Variants in DPP10 observed in about 807,000 individuals in gnomAD.
The protein encoded by DPP10 is dipeptidyl peptidase like 10.
A neutral mutation model predicts 120.9 loss-of-function variants in DPP10; 33 were observed. The ratio of observed to expected loss-of-function variants is 0.27; its 90% CI spans 0.21 to 0.37. DPP10 has a LOEUF of 0.37. Ranked by LOEUF, DPP10 falls within the 10% of genes least tolerant of loss-of-function variation. The pLI is 1.00. For synonymous variants in DPP10, 337 were observed against 326.1 expected (o/e 1.03, Z -0.36); for missense variants, 816 against 942.8 (o/e 0.87, Z 1.76).
At chr2:114,959,524 C>T (rs1343094147) in intron 1 of DPP10, among the ~76,000 whole-genome samples, 2 of 152,144 alleles carry the variant, frequency 1.3e-5, no homozygotes, top group East Asian at 1.9e-4. Context: ...TGAATAATAA[C>T]ACTGTAAACA....
At chr2:115,222,414 G>C (rs1326884618) in intron 1 of DPP10, among the ~76,000 whole-genome samples, 1 of 152,050 alleles carries the variant, frequency 6.6e-6, no homozygotes, top group African/African-American at 2.4e-5. Context: ...CATGGGGCAG[G>C]TCTTCTCATG....
chr2:114,826,414 A>G (rs1055312764), intron 1 of DPP10, among the ~76,000 whole-genome samples: 1 of 152,214 alleles, frequency 6.6e-6, no homozygotes, highest in African/African-American at 2.4e-5. Context: ...GGAAAAGGTC[A>G]TGCCTGACAC....
intron 1 of DPP10, among the ~76,000 whole-genome samples, chr2:114,751,236 A>G (rs1679188445): frequency 6.6e-6 from 1 of 152,198 alleles, no homozygotes; most frequent in Non-Finnish European, 1.5e-5. Context: ...CCACTGGCCT[A>G]CCATAATTTT....
chr2:114,737,407 T>A (rs938769406), intron 1 of DPP10, among the ~76,000 whole-genome samples: 3 of 152,174 alleles, frequency 2.0e-5, no homozygotes, highest in African/African-American at 7.2e-5. Context: ...GATGCAGCGG[T>A]CTGTGAAAAG....
chr2:114,442,917 G>T, intron 1 of DPP10, 79 bp downstream of exon 1: 1 of 1,551,500 alleles, frequency 6.4e-7, no homozygotes, highest in South Asian at 1.2e-5. Flanking sequence ...GATATATCGG[G>T]GTACTGACAG....
At chr2:115,400,809 C>G (rs2068019797) in intron 3 of DPP10, among the ~76,000 whole-genome samples, 1 of 152,192 alleles carries the variant, frequency 6.6e-6, no homozygotes, top group Non-Finnish European at 1.5e-5. Flanking sequence ...CAGGTCGCTG[C>G]CATCTTCACT....
intron 2 of DPP10, among the ~76,000 whole-genome samples, chr2:115,313,462 A>G (rs547712460): frequency 1.3e-5 from 2 of 152,306 alleles, no homozygotes; most frequent in South Asian, 4.1e-4. Flanking sequence ...GCAACAGATG[A>G]AATATGGTGG....
In DPP10 at chr2:115,499,599, A is replaced by G. The variant is rs978461469; in HGVS notation, c.361A>G (p.Thr121Ala). 2 of 1,607,782 alleles carry G rather than the reference A, an allele frequency of 1.2e-6. No individual in the cohort carries two copies. Among genetic ancestry groups the G allele is most frequent in the Non-Finnish European group, 8.5e-7 (1 of 1,175,346 alleles). Residue 121 changes from threonine (T) to alanine (A), a missense_variant, in exon 4 of 26, where the codon ACT (threonine) becomes GCT (alanine). Thr to Ala is a moderately conservative substitution (Grantham distance 58, BLOSUM62 0). Around this residue, in one of 3 missense-constraint regions of DPP10, gnomAD observed 182 missense variants for 207.4 expected, o/e 0.88. Coordinates refer to ENST00000410059, the MANE Select transcript of DPP10 (RefSeq NM_020868.6). ...TACCACATTATTATTGGAAAACACAACTTTTGTAAGTAATGAATAATTAAT... is the reference window on the plus strand; with the variant it reads ...TACCACATTATTATTGGAAAACACAGCTTTTGTAAGTAATGAATAATTAAT... ...NATTLLLENT[T>A]FVTFKASRHS...
intron 1 of DPP10, among the ~76,000 whole-genome samples, chr2:114,707,834 C>T (rs1017206280): frequency 6.6e-6 from 1 of 152,200 alleles, no homozygotes; most frequent in African/African-American, 2.4e-5. Context: ...TCTCCAGCCT[C>T]TTAAGCAGAA....
chr2:114,702,523 ATAT>A (rs1226184311), intron 1 of DPP10, among the ~76,000 whole-genome samples: 1 of 151,946 alleles, frequency 6.6e-6, no homozygotes, highest in Non-Finnish European at 1.5e-5. Context: ...ATAATTTAAG[ATAT>A]TTAGCCTTGA....
intron 1 of DPP10, among the ~76,000 whole-genome samples, chr2:114,946,652 TA>T (rs1297962271): frequency 2.0e-5 from 3 of 152,252 alleles, no homozygotes; most frequent in African/African-American, 7.2e-5. Flanking sequence ...ATCCATGTTT[TA>T]TTATCCTTTT....
chr2:115,018,250 A>C (rs113730367), intron 1 of DPP10, among the ~76,000 whole-genome samples: 1 of 152,224 alleles, frequency 6.6e-6, no homozygotes, highest in South Asian at 2.1e-4. Flanking sequence ...ATGCTTTTAC[A>C]CTGCTGGTAG....
chr2:114,727,068 T>G (rs1437609090), intron 1 of DPP10, among the ~76,000 whole-genome samples: 2 of 152,204 alleles, frequency 1.3e-5, no homozygotes, highest in African/African-American at 2.4e-5. Context: ...ATCCTTTTCA[T>G]GTCCTTAAAA....
At chr2:114,747,879 A>G (rs1407798455) in intron 1 of DPP10, among the ~76,000 whole-genome samples, 1 of 152,192 alleles carries the variant, frequency 6.6e-6, no homozygotes, top group Non-Finnish European at 1.5e-5. Context: ...TAGTTAATGC[A>G]TTCCTCGGAG....
At chr2:114,881,156 T>C (rs1331231676) in intron 1 of DPP10, among the ~76,000 whole-genome samples, 1 of 152,136 alleles carries the variant, frequency 6.6e-6, no homozygotes, top group Non-Finnish European at 1.5e-5. Context: ...GGCTTCCAAA[T>C]TAAACCAGAA....
At chr2:114,599,704 T>C (rs891578072) in intron 1 of DPP10, among the ~76,000 whole-genome samples, 2 of 151,828 alleles carry the variant, frequency 1.3e-5, no homozygotes, top group Non-Finnish European at 2.9e-5. Flanking sequence ...GTACACCTTG[T>C]ATAAGTTTCA....
intron 1 of DPP10, among the ~76,000 whole-genome samples, chr2:114,941,892 G>C (rs1696929724): frequency 6.6e-6 from 1 of 152,044 alleles, no homozygotes; most frequent in African/African-American, 2.4e-5. Flanking sequence ...ATTCAGAAAG[G>C]CTTTGGGAAA....
At chr2:114,469,284 G>T (rs901693354) in intron 1 of DPP10, among the ~76,000 whole-genome samples, 4 of 152,104 alleles carry the variant, frequency 2.6e-5, no homozygotes, top group Non-Finnish European at 5.9e-5. Context: ...TTGCTCAAAT[G>T]GACTAAATGT....
chr2:115,507,028 G>GCATGCA (rs2076981495), intron 4 of DPP10, among the ~76,000 whole-genome samples: 2 of 119,032 alleles, frequency 1.7e-5, no homozygotes, highest in African/African-American at 7.4e-5. Flanking sequence ...ACACACACAC[G>GCATGCA]CACGCGCACA....
Sources: allele counts gnomAD v4.1 joint callset (sites outside exome capture counted in the v4.1 genomes callset), GRCh38; gene constraint gnomAD v4.1.1; regional missense constraint gnomAD v4.1.1; transcripts MANE v1.5; gene names NCBI Gene and HGNC (gene_info 2026-07-23, HGNC 2026-07-21).